The following THSD7B variants were observed in gnomAD, a reference collection of about 807,000 sequenced individuals.
THSD7B encodes the protein thrombospondin type-1 domain-containing protein 7B.
A neutral mutation model predicts 213.6 loss-of-function variants in THSD7B; 138 were observed. The ratio of observed to expected loss-of-function variants is 0.65; its 90% confidence interval spans 0.56 to 0.74. The LOEUF (loss-of-function observed/expected upper bound fraction) is 0.74. Among genes scored for constraint, THSD7B ranks in the 30% least tolerant of loss-of-function variants. THSD7B has a pLI of 0.00. For synonymous variants in THSD7B, 742 were observed against 687.0 expected (o/e 1.08, Z -1.25); for missense variants, 1,931 against 1,991.5 (o/e 0.97, Z 0.58).
chr2:137,060,860 G>A (rs1159797376), intron 3 of THSD7B, among the ~76,000 whole-genome samples: 1 of 151,448 alleles, frequency 6.6e-6, no homozygotes, highest in African/African-American at 2.4e-5. Context: ...TATAAACTTT[G>A]GAACTACTTT....
At chr2:137,125,010 G>C (rs1688607844) in intron 5 of THSD7B, among the ~76,000 whole-genome samples, 1 of 152,060 alleles carries the variant, frequency 6.6e-6, no homozygotes, top group Non-Finnish European at 1.5e-5. Context: ...TTTGACTTTT[G>C]ATGGACTTTA....
In THSD7B at chr2:136,779,198, A is replaced by ATGTGTGTGTGTG. The variant is rs199689020; in HGVS notation, c.-36+13543_-36+13554dup. Among the ~76,000 whole-genome samples the ATGTGTGTGTGTG allele has an allele frequency of 3.4e-3, 186 of 55,122 alleles. 1 individual carries two copies. The highest frequency in any genetic ancestry group is 5.3e-3 in the Non-Finnish European group (132 of 24,990). The allele number at this position is 55,122 out of a possible 152,430, so 36.2% of individuals were successfully genotyped here. A position where few individuals can be genotyped will look rare whatever the true frequency, so the allele number is the denominator to read the frequency against. The stretch of plus-strand genomic sequence containing the variant: ...ACGTGTTAAAAGGCTATATATATAT[A>ATGTGTGTGTGTG]TGTGTGTGTGTGTGTGTGTGTGTGT... On this transcript the variant is annotated intron_variant, in intron 1 of 27. Coordinates refer to ENST00000409968, the MANE Select transcript of THSD7B (RefSeq NM_001316349.2).
At chr2:136,882,423 G>A in intron 2 of THSD7B, 106 bp downstream of exon 2, 1 of 1,157,110 alleles carries the variant, frequency 8.6e-7, no homozygotes, top group Non-Finnish European at 1.1e-6. Context: ...TATCCAGAGA[G>A]GAAAAATAGA....
At chr2:137,397,776 C>G (rs1686231236) in intron 12 of THSD7B, among the ~76,000 whole-genome samples, 1 of 150,748 alleles carries the variant, frequency 6.6e-6, no homozygotes, top group African/African-American at 2.4e-5. Flanking sequence ...CAACTTGGTT[C>G]CATTCTCCCC....
At chr2:137,528,524 A>G (rs1680321864) in intron 15 of THSD7B, among the ~76,000 whole-genome samples, 1 of 152,150 alleles carries the variant, frequency 6.6e-6, no homozygotes, top group Admixed American at 6.6e-5. Context: ...TCACTCAGGT[A>G]CAATCTTGAT....
At chr2:136,920,619 C>T (rs1162515872) in intron 2 of THSD7B, among the ~76,000 whole-genome samples, 1 of 152,176 alleles carries the variant, frequency 6.6e-6, no homozygotes, top group Non-Finnish European at 1.5e-5. Context: ...GGCAGCCTGG[C>T]CCCCAAACCT....
intron 16 of THSD7B, among the ~76,000 whole-genome samples, chr2:137,563,768 C>A (rs950328982): frequency 5.3e-5 from 8 of 152,084 alleles, no homozygotes; most frequent in Admixed American, 6.5e-5. Flanking sequence ...TTAATTTAAA[C>A]CCCATGATTA....
At chr2:137,143,042 T>G (rs1240939396) in intron 5 of THSD7B, among the ~76,000 whole-genome samples, 1 of 152,132 alleles carries the variant, frequency 6.6e-6, no homozygotes, top group Non-Finnish European at 1.5e-5. Context: ...TATATGTAAT[T>G]GGCCAAAAGG....
At chr2:137,367,730 A>G (rs988310927) in intron 12 of THSD7B, among the ~76,000 whole-genome samples, 1 of 152,114 alleles carries the variant, frequency 6.6e-6, no homozygotes, top group African/African-American at 2.4e-5. Flanking sequence ...GGTTCTGGTG[A>G]AGAACCTCTT....
intron 10 of THSD7B, among the ~76,000 whole-genome samples, chr2:137,260,552 C>T (rs895363200): frequency 6.6e-6 from 1 of 151,982 alleles, no homozygotes; most frequent in African/African-American, 2.4e-5. Context: ...TCCTTGAGCC[C>T]CGGAGTTGGA....
chr2:137,235,467 G>A (rs1681743689), intron 9 of THSD7B, among the ~76,000 whole-genome samples: 2 of 152,136 alleles, frequency 1.3e-5, no homozygotes, highest in Admixed American at 1.3e-4. Context: ...TTAGAATTGA[G>A]ACTGATACCA....
In THSD7B at chr2:136,999,995, G is replaced by T. The variant is rs959496654; in HGVS notation, c.140-56425G>T. On this transcript the variant is annotated intron_variant, in intron 2 of 27. Coordinates refer to ENST00000409968, the MANE Select transcript of THSD7B (RefSeq NM_001316349.2). ...TCCAATTGAAGAATTTCATTAGACA[G>T]TTCTACCTTAAGACAAATTAACACT... is the stretch of plus-strand genomic sequence containing the variant. Among the ~76,000 whole-genome samples, 31 of 152,084 alleles carry T rather than the reference G, an allele frequency of 2.0e-4. 1 individual carries two copies. The highest frequency in any genetic ancestry group is 1.3e-4 in the Non-Finnish European group (9 of 67,992).
At position 137,593,057 on chromosome 2, in the gene THSD7B, T is replaced by G. The variant is rs541806894; in HGVS notation, c.3423+20501T>G. ...GTGAGCTAGTTTCATTTGCTCAACA[T>G]AATGCCTTTGAGATGTCTGCATGTT... On this transcript the variant is annotated intron_variant, in intron 17 of 27. Transcript: ENST00000409968. Among the ~76,000 whole-genome samples, 166 of 152,108 alleles carry G rather than the reference T, an allele frequency of 1.1e-3. 1 individual carries two copies. The highest frequency in any genetic ancestry group is 3.9e-3 in the African/African-American group (162 of 41,566).
At chr2:137,664,050 G>A (rs1006963539) in intron 26 of THSD7B, among the ~76,000 whole-genome samples, 5 of 151,992 alleles carry the variant, frequency 3.3e-5, no homozygotes, top group African/African-American at 7.2e-5. Context: ...GATGAGTTTC[G>A]CCATGTTGGC....
At chr2:137,398,743 G>A (rs1686269365) in intron 12 of THSD7B, among the ~76,000 whole-genome samples, 2 of 152,190 alleles carry the variant, frequency 1.3e-5, no homozygotes, top group African/African-American at 4.8e-5. Flanking sequence ...CTGGGCAATG[G>A]TGGGCGCCCC....
At chr2:136,797,842 A>G (rs547760053) in intron 1 of THSD7B, among the ~76,000 whole-genome samples, 77 of 152,100 alleles carry the variant, frequency 5.1e-4, no homozygotes, top group African/African-American at 1.8e-3. Context: ...ACAGTTATTT[A>G]ACATCAAAAC....
intron 1 of THSD7B, among the ~76,000 whole-genome samples, chr2:136,766,946 G>T (rs770354285): frequency 6.6e-6 from 1 of 152,084 alleles, no homozygotes; most frequent in Non-Finnish European, 1.5e-5. Flanking sequence ...TGCAGGTAGG[G>T]CTCATGCCAA....
chr2:137,229,793 C>A (rs1006544172), intron 7 of THSD7B, among the ~76,000 whole-genome samples: 1 of 152,240 alleles, frequency 6.6e-6, no homozygotes. Context: ...TGAGATGGAT[C>A]ACACTTGTCA....
chr2:137,616,306 C>T lies in THSD7B; in HGVS notation c.3555C>T (p.Tyr1185=), dbSNP rs1217081210. The T allele has an allele frequency of 1.9e-6, 3 of 1,613,434 alleles. No homozygotes were observed. Among genetic ancestry groups the T allele is most frequent in the African/African-American group, 1.3e-5 (1 of 74,886 alleles). The change falls in exon 18 of 28, where the codon TAC becomes TAT. Residue 1185 remains tyrosine (Y), a synonymous_variant. Coordinates refer to ENST00000409968, the MANE Select transcript of THSD7B (RefSeq NM_001316349.2). ...ATGAAAATTGCTTCCAGTTCCAGTA[C>T]AATCTAACAGGTACAGTTAAAATCT... ...LLNENCFQFQ[Y]NLTEWSTCQL...
Sources: allele counts gnomAD v4.1 joint callset (sites outside exome capture counted in the v4.1 genomes callset), GRCh38; gene constraint gnomAD v4.1.1; transcripts MANE v1.5; gene names NCBI Gene and HGNC (gene_info 2026-07-23, HGNC 2026-07-21).